The following IDH2 variants were observed in gnomAD, a reference collection of about 807,000 sequenced individuals.
The protein encoded by IDH2 is isocitrate dehydrogenase [NADP], mitochondrial.
IDH2 carries 18 observed loss-of-function variants against 50.5 expected under a neutral mutation model. That is an observed-to-expected ratio of 0.36 (90% CI 0.25 to 0.53). The LOEUF (loss-of-function observed/expected upper bound fraction) is 0.53. IDH2 is among the 20% of genes least tolerant of loss of function. The probability of loss-of-function intolerance (pLI) is 0.92; values close to 1 mark genes in which losing one functional copy is unlikely to be tolerated. For missense variants in IDH2, 518 were observed against 610.7 expected (o/e 0.85, Z 1.60); for synonymous variants, 280 against 239.8 (o/e 1.17, Z -1.55).
intron 1 of IDH2, 52 bp from the exon 2 acceptor site, chr15:90,091,696 G>A (rs111314244): frequency 1.3e-6 from 2 of 1,482,040 alleles, no homozygotes; most frequent in Non-Finnish European, 1.9e-6. Flanking sequence ...CTGGAGGGGG[G>A]CCCTCTCCTC....
In IDH2 at chr15:90,090,588, G is replaced by A. The variant is rs1236204052; in HGVS notation, c.264C>T (p.Asn88=). The A allele has an allele frequency of 2.5e-6, 4 of 1,614,226 alleles. No homozygotes were observed. Among genetic ancestry groups the A allele is most frequent in the Non-Finnish European group, 3.4e-6 (4 of 1,180,032 alleles). Residue 88 remains asparagine (N), a synonymous_variant, in exon 3 of 11, where the codon AAC becomes AAT. Transcript: ENST00000330062. ...QLKYFDLGLP[N]RDQTDDQVTI... is the part of the protein sequence containing the mutation. ...TGACCTGGTCATCAGTCTGGTCACG[G>A]TTTGGGAGCCCGAGGTCAAAATACT...
In IDH2 at chr15:90,100,036, C is replaced by T. The variant is rs1049658227; in HGVS notation, c.115+2240G>A. On this transcript the variant is annotated intron_variant, in intron 1 of 10. Transcript: ENST00000330062. This position sits in a 1 kb window ranked among gnomAD's most constrained non-coding sequence, Gnocchi z 4.1. The stretch of plus-strand genomic sequence containing the variant: ...CTGTTTCACTGAATGTGTTTCCTCC[C>T]CTCTCACCCATCTGGTATGCATTGC... Among the ~76,000 whole-genome samples the T allele has an allele frequency of 6.6e-6, 1 of 152,076 alleles. No individual in the cohort carries two copies. The highest frequency in any genetic ancestry group is 2.4e-5 in the African/African-American group (1 of 41,392).
In IDH2 at chr15:90,084,676, A is replaced by C; in HGVS notation, c.1271+140T>G. 1.3e-6 allele frequency: 1 copy of C among 773,462 alleles called. No individual in the cohort carries two copies. Among genetic ancestry groups the C allele is most frequent in the Non-Finnish European group, 2.3e-6 (1 of 440,492 alleles). 47.9% of individuals were successfully genotyped at this position (773,462 alleles called of 1,614,324 possible). A position where few individuals can be genotyped will look rare whatever the true frequency, so the allele number is the denominator to read the frequency against. The stretch of plus-strand genomic sequence containing the variant: ...GACCTGGTCTACAGAGGCTGGCCTG[A>C]GCAGTCTCTCAGGGCTGTGGACATG... On this transcript the variant is annotated intron_variant, in intron 10 of 10. Coordinates refer to ENST00000330062, the MANE Select transcript of IDH2 (RefSeq NM_002168.4). This position sits in a 1 kb window ranked among gnomAD's most constrained non-coding sequence, Gnocchi z 5.0.
Position 90,087,543 on chromosome 15 carries a change from C to T in IDH2, c.711G>A (p.Gln237=). 2 of 1,613,888 alleles carry T rather than the reference C, an allele frequency of 1.2e-6. No homozygotes were observed. The highest frequency in any genetic ancestry group is 1.7e-6 in the Non-Finnish European group (2 of 1,180,038). The change falls in exon 6 of 11, where the codon CAG becomes CAA. Residue 237 remains glutamine (Q), a synonymous_variant. Transcript: ENST00000330062. ...SISGFAHSCF[Q]YAIQKKWPLY... Reference sequence around the variant, plus strand: ...GCGGCCATTTCTTCTGGATGGCATACTGGAAGCAGCTGTGCGCAAAACCTG... The same window carrying T: ...GCGGCCATTTCTTCTGGATGGCATATTGGAAGCAGCTGTGCGCAAAACCTG...
In IDH2 at chr15:90,101,128, T is replaced by G. The variant is rs377686007; in HGVS notation, c.115+1148A>C. 6.6e-4 allele frequency among the ~76,000 whole-genome samples: 100 copies of G among 152,162 alleles called. 4 individuals carry two copies. The South Asian group carries it at 0.017, about 26-fold the overall frequency. ...GAGGTACAAAAGCAGACATGCCCCT[T>G]TCTCCTTGGCAGGGAAGGTAGGACT... On this transcript the variant is annotated intron_variant, in intron 1 of 10. Coordinates refer to ENST00000330062, the MANE Select transcript of IDH2 (RefSeq NM_002168.4).
chr15:90,101,093 T>C (rs745996081), intron 1 of IDH2, among the ~76,000 whole-genome samples: 6 of 152,074 alleles, frequency 3.9e-5, no homozygotes, highest in African/African-American at 9.7e-5. Flanking sequence ...ATCCCTGAGG[T>C]AGATTCCCAG....
At chr15:90,095,870 A>T (rs1185699855) in intron 1 of IDH2, among the ~76,000 whole-genome samples, 2 of 152,266 alleles carry the variant, frequency 1.3e-5, no homozygotes, top group African/African-American at 4.8e-5. Flanking sequence ...TGAGAACAGC[A>T]ACATGAGCCA....
In IDH2 at chr15:90,085,207, C is replaced by G; in HGVS notation, c.1080+68G>C. On this transcript the variant is annotated intron_variant, in intron 8 of 10. Coordinates refer to ENST00000330062, the MANE Select transcript of IDH2 (RefSeq NM_002168.4). The surrounding 1 kb of genome is among the most constrained non-coding windows in gnomAD (Gnocchi z 5.5). ...GGTGGGTCAGGCTCGTCCTTCCAGC[C>G]CTCAGCCCAGTGGGCTTTAGGCCCC... The G allele has an allele frequency of 6.5e-7, 1 of 1,534,392 alleles. No individual in the cohort carries two copies. The highest frequency in any genetic ancestry group is 8.9e-7 in the Non-Finnish European group (1 of 1,117,664).
chr15:90,093,498 T>C (rs1023149097), intron 1 of IDH2, among the ~76,000 whole-genome samples: 8 of 152,244 alleles, frequency 5.3e-5, no homozygotes, highest in Non-Finnish European at 1.0e-4. Flanking sequence ...AGATAGGTAT[T>C]GAGTGCCTAC....
Position 90,088,401 on chromosome 15 carries a change from G to C in IDH2, c.636C>G (p.Phe212Leu). Residue 212 changes from phenylalanine (F) to leucine (L), a missense_variant, in exon 5 of 11, where the codon TTC (phenylalanine) becomes TTG (leucine). By Grantham distance (22) the Phe-to-Leu change is conservative. This residue lies in a region of IDH2 where 207 missense variants were observed against 208.6 expected (regional missense o/e 0.99). Transcript: ENST00000330062. ...SGVKEWEVYN[F>L]PAGGVGMGMY... The stretch of plus-strand genomic sequence containing the variant: ...TGCCCATGCCCACGCCGCCTGCGGG[G>C]AAGTTGTACACTTCCCACTCCTTGA... 5 of 1,614,200 alleles carry C rather than the reference G, an allele frequency of 3.1e-6. No individual in the cohort carries two copies. The highest frequency in any genetic ancestry group is 4.2e-6 in the Non-Finnish European group (5 of 1,180,042).
chr15:90,085,153 G>T lies in IDH2; in HGVS notation c.1081-55C>A, dbSNP rs28397672. Reference sequence around the variant, plus strand: ...AGCCGAGCCAGCTAGTGAGGAGGCTGCCCAGATACAGCTGCCCGCCCCTGG... The same window carrying T: ...AGCCGAGCCAGCTAGTGAGGAGGCTTCCCAGATACAGCTGCCCGCCCCTGG... On this transcript the variant is annotated intron_variant, in intron 8 of 10. Transcript: ENST00000330062. This position sits in a 1 kb window ranked among gnomAD's most constrained non-coding sequence, Gnocchi z 5.5. The T allele has an allele frequency of 5.2e-4, 826 of 1,573,632 alleles. 3 individuals are homozygous for T. In the African/African-American group the frequency reaches 9.6e-3, roughly 18 times the overall value.
Position 90,102,371 on chromosome 15 carries a change from A to T in IDH2, c.20T>A (p.Val7Asp). 7.3e-7 allele frequency: 1 copy of T among 1,361,304 alleles called. No individual in the cohort carries two copies. The highest frequency in any genetic ancestry group is 1.6e-5 in the South Asian group (1 of 62,016). The allele number at this position is 1,361,304 out of a possible 1,614,324, so 84.3% of individuals were successfully genotyped here. MAGYLR[V>D]VRSLCRASGS... is the part of the protein sequence containing the mutation. ...TGAGGCTCTGCAGAGCGAGCGCACG[A>T]CCCGCAGGTAGCCGGCCATCCCAAG... The change falls in exon 1 of 11, where the codon GTC (valine) becomes GAC (aspartate). Residue 7 changes from valine (V) to aspartate (D), a missense_variant. Val to Asp is a radical substitution (Grantham distance 152, BLOSUM62 -3). Coordinates refer to ENST00000330062, the MANE Select transcript of IDH2 (RefSeq NM_002168.4).
In IDH2 at chr15:90,091,824, A is replaced by G. The variant is rs568113379; in HGVS notation, c.116-180T>C. On this transcript the variant is annotated intron_variant, in intron 1 of 10. Coordinates refer to ENST00000330062, the MANE Select transcript of IDH2 (RefSeq NM_002168.4). ...TCACTGCTTAGAGCAGGGGTCCCCA[A>G]CTCCCAGGCCATGGACTAGTACCGT... Among the ~76,000 whole-genome samples the G allele has an allele frequency of 2.6e-5, 4 of 152,102 alleles. No homozygotes were observed. In the East Asian group the frequency reaches 5.8e-4, roughly 22 times the overall value.
At position 90,102,338 on chromosome 15, in the gene IDH2, C is replaced by T. The variant is rs1453618042; in HGVS notation, c.53G>A (p.Arg18Gln). ...CAGGGCCGCCGGCGCCCAGGCCGGC[C>T]GCGAGCCTGAGGCTCTGCAGAGCGA... ...VRSLCRASGSRPAWAPAALTA... is the reference protein window; with the variant it reads ...VRSLCRASGSQPAWAPAALTA... The change falls in exon 1 of 11, where the codon CGG (arginine) becomes CAG (glutamine). Residue 18 changes from arginine to glutamine, a missense_variant. Transcript: ENST00000330062. 4.4e-6 allele frequency: 6 copies of T among 1,366,688 alleles called. No homozygotes were observed. The highest frequency in any genetic ancestry group is 3.8e-6 in the Non-Finnish European group (4 of 1,050,180). The allele number at this position is 1,366,688 out of a possible 1,614,324, so 84.7% of individuals were successfully genotyped here.
At chr15:90,090,372 C>A in intron 3 of IDH2, 107 bp downstream of exon 3, 2 of 1,246,430 alleles carry the variant, frequency 1.6e-6, no homozygotes. Flanking sequence ...CCCAACCTCC[C>A]AGTCCCGAGA....
chr15:90,084,359 G>T lies in IDH2; in HGVS notation c.1272-6C>A, dbSNP rs1567251995. Reference sequence around the variant, plus strand: ...AGTGCTCGTTCAGCTTCACACTGCAGAGAGAGCACCACTCACATCAGGGGT... The same window carrying T: ...AGTGCTCGTTCAGCTTCACACTGCATAGAGAGCACCACTCACATCAGGGGT... On this transcript the variant is annotated splice_region_variant and splice_polypyrimidine_tract_variant and intron_variant, in intron 10 of 10. Coordinates refer to ENST00000330062, the MANE Select transcript of IDH2 (RefSeq NM_002168.4). The surrounding 1 kb of genome is among the most constrained non-coding windows in gnomAD (Gnocchi z 5.0). 1.2e-6 allele frequency: 2 copies of T among 1,612,838 alleles called. No homozygotes were observed. The highest frequency in any genetic ancestry group is 4.5e-5 in the East Asian group (2 of 44,812).
intron 3 of IDH2, 143 bp from the exon 4 acceptor site, chr15:90,088,890 G>A: frequency 1.3e-6 from 1 of 751,590 alleles, no homozygotes; most frequent in Non-Finnish European, 2.2e-6. Context: ...AAATGTGTGG[G>A]CTCTGGAGTC....
chr15:90,093,401 C>T (rs1901096191), intron 1 of IDH2, among the ~76,000 whole-genome samples: 1 of 152,154 alleles, frequency 6.6e-6, no homozygotes, highest in Non-Finnish European at 1.5e-5. Context: ...TAATAAAATC[C>T]TCTCCAAGTT....
chr15:90,101,145 G>C (rs956373993), intron 1 of IDH2, among the ~76,000 whole-genome samples: 4 of 152,168 alleles, frequency 2.6e-5, no homozygotes, highest in African/African-American at 9.6e-5. Flanking sequence ...TGGCAGGGAA[G>C]GTAGGACTGG....
Sources: allele counts gnomAD v4.1 joint callset (sites outside exome capture counted in the v4.1 genomes callset), GRCh38; gene constraint gnomAD v4.1.1; regional missense constraint gnomAD v4.1.1; non-coding constraint Gnocchi (gnomAD v3.1); transcripts MANE v1.5; gene names NCBI Gene and HGNC (gene_info 2026-07-23, HGNC 2026-07-21).